POC1A: variants seen among roughly 807,000 people sequenced by gnomAD.
The protein encoded by POC1A is POC1 centriolar protein A.
In POC1A, 34 loss-of-function variants were observed where a neutral mutation model predicts 47.8. The ratio of observed to expected loss-of-function variants is 0.71; its 90% CI spans 0.54 to 0.95. POC1A has a LOEUF of 0.95. POC1A is among the 40% of genes least tolerant of loss of function. The pLI, the probability that POC1A is intolerant of heterozygous loss-of-function variation, is 0.00. For missense variants in POC1A, 466 were observed against 528.3 expected (o/e 0.88, Z 1.16); for synonymous variants, 177 against 207.6 (o/e 0.85, Z 1.27).
At chr3:52,110,638 G>A (rs1271224056) in intron 9 of POC1A, among the ~76,000 whole-genome samples, 6 of 152,238 alleles carry the variant, frequency 3.9e-5, no homozygotes, top group Admixed American at 3.9e-4. Context: ...CTCCTGTGGA[G>A]AGGTGATGAT....
chr3:52,079,363 C>T lies in POC1A; in HGVS notation c.1126-3378G>A, dbSNP rs188943292. 2.9e-4 allele frequency among the ~76,000 whole-genome samples: 44 copies of T among 152,372 alleles called. No individual in the cohort carries two copies. The highest frequency in any genetic ancestry group is 6.0e-4 in the Non-Finnish European group (41 of 68,036). On this transcript the variant is annotated intron_variant, in intron 10 of 10. Transcript: ENST00000296484. This position sits in a 1 kb window ranked among gnomAD's most constrained non-coding sequence, Gnocchi z 4.6. The stretch of plus-strand genomic sequence containing the variant: ...AGCCCGGGAATTATCCTGCTACCAG[C>T]GCCTGTCCTCACCAGGCTGGAGACA...
intron 10 of POC1A, among the ~76,000 whole-genome samples, chr3:52,077,645 A>G (rs1005093927): frequency 1.3e-5 from 2 of 152,236 alleles, no homozygotes; most frequent in African/African-American, 4.8e-5. Context: ...GGCAGCGGAA[A>G]CAGCCCCTGG....
In POC1A at chr3:52,125,033, C is replaced by T; in HGVS notation, c.882+80G>A. The T allele has an allele frequency of 2.6e-6, 3 of 1,158,986 alleles. No homozygotes were observed. In the South Asian group the frequency reaches 4.0e-5, roughly 16 times the overall value. 71.8% of individuals were successfully genotyped at this position (1,158,986 alleles called of 1,614,324 possible). A position where few individuals can be genotyped will look rare whatever the true frequency, so the allele number is the denominator to read the frequency against. Reference sequence around the variant, plus strand: ...AAGCTGGCGAAACCCAGCCCATCCCCCAAACACCCTGTTTGGTTCTGAGCA... The same window carrying T: ...AAGCTGGCGAAACCCAGCCCATCCCTCAAACACCCTGTTTGGTTCTGAGCA... On this transcript the variant is annotated intron_variant, in intron 8 of 10. Coordinates refer to ENST00000296484, the MANE Select transcript of POC1A (RefSeq NM_015426.5).
chr3:52,075,517 T>A lies in POC1A; in HGVS notation c.*370A>T, dbSNP rs1008422966. The A allele has an allele frequency of 5.3e-6, 1 of 188,196 alleles. No homozygotes were observed. The highest frequency in any genetic ancestry group is 2.3e-5 in the African/African-American group (1 of 43,502). 11.7% of individuals were successfully genotyped at this position (188,196 alleles called of 1,614,324 possible). ...GCAGAGGTAGGAAAAGCCAGTCACA[T>A]GTCCAAATGATGAGTGAAAATCAAG... On this transcript the variant is annotated 3_prime_UTR_variant, in exon 11 of 11. Transcript: ENST00000296484.
chr3:52,141,119 C>T (rs1203193401), intron 6 of POC1A, among the ~76,000 whole-genome samples: 1 of 152,222 alleles, frequency 6.6e-6, no homozygotes, highest in Non-Finnish European at 1.5e-5. Context: ...CAAACTTCTA[C>T]AGATCCTCAG....
At chr3:52,129,560 C>CA (rs1318995347) in intron 7 of POC1A, among the ~76,000 whole-genome samples, 1 of 152,202 alleles carries the variant, frequency 6.6e-6, no homozygotes, top group Non-Finnish European at 1.5e-5. Flanking sequence ...GGGCCTTCAG[C>CA]AGTGTGGATG....
intron 10 of POC1A, among the ~76,000 whole-genome samples, chr3:52,085,643 G>A (rs1375650832): frequency 6.6e-6 from 1 of 152,186 alleles, no homozygotes; most frequent in Non-Finnish European, 1.5e-5. Context: ...TGCCACTGAG[G>A]GATTCCTAGT....
chr3:52,118,745 A>C (rs1053827456), intron 9 of POC1A, among the ~76,000 whole-genome samples: 4 of 152,236 alleles, frequency 2.6e-5, no homozygotes, highest in Non-Finnish European at 5.9e-5. Flanking sequence ...CCAAATGCCC[A>C]GGAGTATTTC....
intron 6 of POC1A, among the ~76,000 whole-genome samples, chr3:52,140,251 T>C (rs1422278735): frequency 6.6e-6 from 1 of 152,122 alleles, no homozygotes; most frequent in Non-Finnish European, 1.5e-5. Flanking sequence ...TTACGTAACA[T>C]GATATTTATA....
At chr3:52,102,891 C>T (rs1703046712) in intron 9 of POC1A, among the ~76,000 whole-genome samples, 2 of 152,004 alleles carry the variant, frequency 1.3e-5, no homozygotes, top group South Asian at 2.1e-4. Context: ...GGCAAAGGAA[C>T]TAGAAAAGCC....
intron 7 of POC1A, among the ~76,000 whole-genome samples, chr3:52,126,196 T>C (rs541225319): frequency 6.6e-6 from 1 of 152,178 alleles, no homozygotes; most frequent in African/African-American, 2.4e-5. Flanking sequence ...CAACTGCCCA[T>C]GAGATGGGCT....
rs1473679269 is a variant in POC1A at position 52,090,695 on chromosome 3, C to T, written c.1125+5874G>A. Reference sequence around the variant, plus strand: ...GCATCTGTGAAAAAGACCCCTAGATCACCTGGCATCACCCCCAAGAGCACA... The same window carrying T: ...GCATCTGTGAAAAAGACCCCTAGATTACCTGGCATCACCCCCAAGAGCACA... On this transcript the variant is annotated intron_variant, in intron 10 of 10. Transcript: ENST00000296484. The surrounding 1 kb of genome is among the most constrained non-coding windows in gnomAD (Gnocchi z 4.2). 2.0e-5 allele frequency among the ~76,000 whole-genome samples: 3 copies of T among 152,164 alleles called. No individual in the cohort carries two copies. Among genetic ancestry groups the T allele is most frequent in the Non-Finnish European group, 4.4e-5 (3 of 68,012 alleles).
chr3:52,121,497 G>A (rs1023756198), intron 9 of POC1A, among the ~76,000 whole-genome samples: 8 of 152,362 alleles, frequency 5.3e-5, no homozygotes, highest in Non-Finnish European at 1.2e-4. Context: ...GGGGGCATGT[G>A]TGTGTGTTGG....
chr3:52,088,595 G>A (rs1039443155), intron 10 of POC1A, among the ~76,000 whole-genome samples: 1 of 152,152 alleles, frequency 6.6e-6, no homozygotes, highest in Non-Finnish European at 1.5e-5. Flanking sequence ...GGTCAGCTGT[G>A]ATGAAGTAGG....
chr3:52,121,667 ACT>A (rs1182160474), intron 9 of POC1A, among the ~76,000 whole-genome samples: 11 of 151,940 alleles, frequency 7.2e-5, no homozygotes, highest in South Asian at 6.2e-4. Context: ...GGGAGGCCAC[ACT>A]CTCTGTATGG....
intron 4 of POC1A, 71 bp from the exon 5 acceptor site, chr3:52,147,166 A>T: frequency 8.3e-7 from 1 of 1,200,652 alleles, no homozygotes; most frequent in African/African-American, 1.5e-5. Context: ...CTTCTTCCAC[A>T]GCCACTCTTC....
chr3:52,149,601 T>C (rs576744841), intron 3 of POC1A, among the ~76,000 whole-genome samples: 1 of 152,312 alleles, frequency 6.6e-6, no homozygotes, highest in Non-Finnish European at 1.5e-5. Flanking sequence ...TCAGGTGGCA[T>C]TTCTTTAGGG....
chr3:52,127,187 T>C (rs1043535141), intron 7 of POC1A, among the ~76,000 whole-genome samples: 1 of 152,038 alleles, frequency 6.6e-6, no homozygotes, highest in Non-Finnish European at 1.5e-5. Flanking sequence ...ATAACATCAG[T>C]GAGGGTGAAA....
chr3:52,153,893 G>A (rs1280394802), intron 1 of POC1A, among the ~76,000 whole-genome samples: 1 of 152,266 alleles, frequency 6.6e-6, no homozygotes, highest in Non-Finnish European at 1.5e-5. Flanking sequence ...GACTTCTGGA[G>A]GAATGTGAAC....
Sources: allele counts gnomAD v4.1 joint callset (sites outside exome capture counted in the v4.1 genomes callset), GRCh38; gene constraint gnomAD v4.1.1; non-coding constraint Gnocchi (gnomAD v3.1); transcripts MANE v1.5; gene names NCBI Gene and HGNC (gene_info 2026-07-23, HGNC 2026-07-21).